Variants in LRP2 observed in about 807,000 individuals in gnomAD.
LRP2 encodes the protein low-density lipoprotein receptor-related protein 2.
Under a neutral mutation model 531.0 loss-of-function variants are expected in LRP2, and 172 were observed. That is an observed-to-expected ratio of 0.32 (90% CI 0.29 to 0.37). The LOEUF (loss-of-function observed/expected upper bound fraction) is 0.37, where lower values mean the gene tolerates loss of function less well. Among genes scored for constraint, LRP2 ranks in the 10% least tolerant of loss-of-function variants. The pLI is 1.00. For missense variants in LRP2, 5,167 were observed against 5,868.3 expected, an observed-to-expected ratio of 0.88 and a Z score of 3.90; for synonymous variants, 1,992 against 2,027.6, an observed-to-expected ratio of 0.98 and a Z score of 0.47.
intron 16 of LRP2, among the ~76,000 whole-genome samples, chr2:169,264,983 G>A (rs779498700): frequency 8.6e-5 from 13 of 151,922 alleles, no homozygotes; most frequent in African/African-American, 1.5e-4. Context: ...CTGAAAGGGC[G>A]CCCTCAGCTC....
intron 1 of LRP2, among the ~76,000 whole-genome samples, chr2:169,325,509 C>T (rs1205273898): frequency 6.6e-6 from 1 of 152,174 alleles, no homozygotes; most frequent in Non-Finnish European, 1.5e-5. Flanking sequence ...TGACAGTTCA[C>T]TACAATTCCC....
chr2:169,267,752 G>T (rs1356422208), intron 16 of LRP2, among the ~76,000 whole-genome samples: 3 of 152,078 alleles, frequency 2.0e-5, no homozygotes, highest in Non-Finnish European at 4.4e-5. Context: ...AAATAACTAA[G>T]ATCATAGCAG....
intron 71 of LRP2, among the ~76,000 whole-genome samples, chr2:169,141,031 A>G (rs1251445420): frequency 6.6e-6 from 1 of 152,140 alleles, no homozygotes; most frequent in Admixed American, 6.5e-5. Context: ...TTAGCTAGAG[A>G]GCTCCTGAGT....
Position 169,239,530 on chromosome 2 carries a change from T to C in LRP2, c.4291A>G (p.Thr1431Ala). The C allele has an allele frequency of 6.2e-7, 1 of 1,614,070 alleles. No individual in the cohort carries two copies. Among genetic ancestry groups the C allele is most frequent in the South Asian group, 1.1e-5 (1 of 91,078 alleles). Residue 1431 changes from threonine (T) to alanine (A), a missense_variant, in exon 26 of 79, where the codon ACA becomes GCA. This residue lies in a region of LRP2 where 2,811 missense variants were observed against 3,058.0 expected (regional missense o/e 0.92). Transcript: ENST00000649046. Reference sequence around the variant, plus strand: ...CTCGGGTTAGTTCAGCAATTACCTGTAACTTTGCAAGTCCTCCCATCACTT... The same window carrying C: ...CTCGGGTTAGTTCAGCAATTACCTGCAACTTTGCAAGTCCTCCCATCACTT... ...LESDGRTCKVTASESLLLLVA... is the reference protein window; with the variant it reads ...LESDGRTCKVAASESLLLLVA...
At chr2:169,338,352 GA>G (rs1258585619) in intron 1 of LRP2, among the ~76,000 whole-genome samples, 5 of 111,072 alleles carry the variant, frequency 4.5e-5, no homozygotes, top group African/African-American at 1.8e-4. Flanking sequence ...AAGAAGGAAA[GA>G]AAGAAGGAAA....
At chr2:169,246,383 A>T (rs1690005045) in intron 21 of LRP2, among the ~76,000 whole-genome samples, 1 of 152,144 alleles carries the variant, frequency 6.6e-6, no homozygotes, top group Non-Finnish European at 1.5e-5. Context: ...GGCATGAGCC[A>T]CCTTGCCTGG....
chr2:169,283,835 C>A (rs887140308), intron 9 of LRP2, among the ~76,000 whole-genome samples: 1 of 152,066 alleles, frequency 6.6e-6, no homozygotes, highest in African/African-American at 2.4e-5. Context: ...AAAAATAGTT[C>A]CAATATAATT....
chr2:169,285,157 A>T (rs1037442210), intron 9 of LRP2, among the ~76,000 whole-genome samples: 3 of 132,006 alleles, frequency 2.3e-5, no homozygotes, highest in Non-Finnish European at 4.4e-5. Flanking sequence ...AAGAATTAAA[A>T]AAAAAAAAAA....
rs370299948 is a variant in LRP2 at position 169,262,087 on chromosome 2, G to A, written c.2321-2870C>T. Among the ~76,000 whole-genome samples the A allele has an allele frequency of 2.4e-4, 36 of 151,860 alleles. 2 individuals carry two copies. The highest frequency in any genetic ancestry group is 2.0e-3 in the Admixed American group (31 of 15,206). ...TCTCAATAAACTAGGTATTGATGGG[G>A]CATATCTCAAAATAATAAGAGCTAT... On this transcript the variant is annotated intron_variant, in intron 16 of 78. Transcript: ENST00000649046.
intron 18 of LRP2, among the ~76,000 whole-genome samples, chr2:169,256,863 T>C (rs1385581080): frequency 6.6e-6 from 1 of 152,110 alleles, no homozygotes; most frequent in Admixed American, 6.6e-5. Context: ...TTCCACTAAA[T>C]CTTGTCATTC....
At chr2:169,338,431 G>A (rs1685480785) in intron 1 of LRP2, among the ~76,000 whole-genome samples, 1 of 142,008 alleles carries the variant, frequency 7.0e-6, no homozygotes, top group South Asian at 2.3e-4. Context: ...AAGAAAAAAG[G>A]AGGAAGACGG....
chr2:169,210,914 G>C (rs901525891), intron 37 of LRP2, among the ~76,000 whole-genome samples: 3 of 152,276 alleles, frequency 2.0e-5, no homozygotes, highest in African/African-American at 7.2e-5. Context: ...TACAAATTGA[G>C]AGCTCAAATG....
chr2:169,191,359 C>T (rs1359002829), intron 48 of LRP2, among the ~76,000 whole-genome samples: 1 of 152,036 alleles, frequency 6.6e-6, no homozygotes. Context: ...AATACCAATG[C>T]CTCTACTCCA....
chr2:169,260,203 G>A (rs1463835270), intron 16 of LRP2, among the ~76,000 whole-genome samples: 1 of 152,134 alleles, frequency 6.6e-6, no homozygotes, highest in Non-Finnish European at 1.5e-5. Flanking sequence ...GGTGGTGAAA[G>A]AGGAGGAGGC....
chr2:169,318,240 C>T (rs1005798399), intron 3 of LRP2, among the ~76,000 whole-genome samples: 80 of 151,994 alleles, frequency 5.3e-4, no homozygotes, highest in African/African-American at 1.7e-3. Flanking sequence ...TGCCAAGATC[C>T]GCTTCATCGC....
rs750937305 is a variant in LRP2 at position 169,178,036 on chromosome 2, T to C, written c.10170-10A>G. The C allele has an allele frequency of 1.3e-6, 2 of 1,598,004 alleles. No homozygotes were observed. Among genetic ancestry groups the C allele is most frequent in the Non-Finnish European group, 8.6e-7 (1 of 1,166,570 alleles). On this transcript the variant is annotated splice_polypyrimidine_tract_variant and intron_variant, in intron 52 of 78. Transcript: ENST00000649046. Reference sequence around the variant, plus strand: ...CTCCAAATCAGAGTACCTGCAGCAGTAAGCAGAAACAGTTATGTGATAAAG... The same window carrying C: ...CTCCAAATCAGAGTACCTGCAGCAGCAAGCAGAAACAGTTATGTGATAAAG...
chr2:169,152,779 G>T lies in LRP2; in HGVS notation c.12461+20C>A, dbSNP rs368683982. ...CCAGGAAAACAGAACAGGTAAGGGG[G>T]GAATGTATGGCAAATTTACCTTCCA... On this transcript the variant is annotated intron_variant, in intron 67 of 78. Transcript: ENST00000649046. The T allele has an allele frequency of 3.7e-6, 6 of 1,613,614 alleles. No homozygotes were observed. Among genetic ancestry groups the T allele is most frequent in the Non-Finnish European group, 5.1e-6 (6 of 1,179,662 alleles).
At position 169,246,910 on chromosome 2, in the gene LRP2, C is replaced by T; in HGVS notation, c.2985G>A (p.Gln995=). The change falls in exon 21 of 79, where the codon CAG becomes CAA. Residue 995 remains glutamine (Q), a synonymous_variant. Coordinates refer to ENST00000649046, the MANE Select transcript of LRP2 (RefSeq NM_004525.3). The part of the protein sequence containing the change: ...SHFCFPVPNF[Q]RVCGCPYGMR... Reference sequence around the variant, plus strand: ...TTCCATAAGGGCACCCACACACTCGCTGGAAATTTGGCACCGGGAAGCAGA... The same window carrying T: ...TTCCATAAGGGCACCCACACACTCGTTGGAAATTTGGCACCGGGAAGCAGA... 6.2e-7 allele frequency: 1 copy of T among 1,614,188 alleles called. No individual in the cohort carries two copies. The highest frequency in any genetic ancestry group is 1.3e-5 in the African/African-American group (1 of 75,034).
chr2:169,226,625 C>A, intron 31 of LRP2, 37 bp from the exon 32 acceptor site: 1 of 1,488,330 alleles, frequency 6.7e-7, no homozygotes, highest in South Asian at 1.1e-5. Context: ...AAATCATATC[C>A]CACTATTCCC....
Sources: allele counts gnomAD v4.1 joint callset (sites outside exome capture counted in the v4.1 genomes callset), GRCh38; gene constraint gnomAD v4.1.1; regional missense constraint gnomAD v4.1.1; transcripts MANE v1.5; gene names NCBI Gene and HGNC (gene_info 2026-07-23, HGNC 2026-07-21).